Variants in FAM227B observed in about 807,000 individuals in gnomAD.
The protein encoded by FAM227B is family with sequence similarity 227 member B.
Under a neutral mutation model 73.8 loss-of-function variants are expected in FAM227B, and 88 were observed. The observed-to-expected ratio is 1.19, with a 90% CI of 1.00 to 1.42. The LOEUF is 1.42. FAM227B is among the 40% of genes most tolerant of loss of function. The pLI, the probability that FAM227B is intolerant of heterozygous loss-of-function variation, is 0.00. For missense variants in FAM227B, 632 were observed against 590.9 expected (o/e 1.07, Z -0.72); for synonymous variants, 210 against 190.5 (o/e 1.10, Z -0.84).
intron 11 of FAM227B, among the ~76,000 whole-genome samples, chr15:49,499,254 C>G (rs906429656): frequency 6.8e-5 from 10 of 146,340 alleles, no homozygotes; most frequent in South Asian, 4.4e-4. Flanking sequence ...CCTAAATATA[C>G]ATGCACCCAA....
At chr15:49,489,860 TTA>T (rs796167274) in intron 11 of FAM227B, among the ~76,000 whole-genome samples, 310 of 6,780 alleles carry the variant, frequency 0.046, 27 homozygotes, top group Non-Finnish European at 0.071. Context: ...TATATATATT[TTA>T]TATATATATA....
chr15:49,462,287 C>T (rs2053872670), intron 11 of FAM227B, among the ~76,000 whole-genome samples: 1 of 152,052 alleles, frequency 6.6e-6, no homozygotes, highest in Non-Finnish European at 1.5e-5. Flanking sequence ...TTTAAAATAT[C>T]TTGTAGAAAA....
chr15:49,412,074 A>G (rs2048906938), intron 11 of FAM227B, among the ~76,000 whole-genome samples: 1 of 152,058 alleles, frequency 6.6e-6, no homozygotes, highest in African/African-American at 2.4e-5. Context: ...ACATGCTATA[A>G]TTTTGTATTT....
intron 11 of FAM227B, among the ~76,000 whole-genome samples, chr15:49,417,588 T>C (rs1382122321): frequency 2.0e-5 from 3 of 152,082 alleles, no homozygotes; most frequent in Non-Finnish European, 2.9e-5. Flanking sequence ...CCCTATTCAA[T>C]AAACGGTGCT....
chr15:49,457,233 G>C (rs2053386573), intron 11 of FAM227B, among the ~76,000 whole-genome samples: 1 of 152,034 alleles, frequency 6.6e-6, no homozygotes, highest in Non-Finnish European at 1.5e-5. Context: ...TAGGCAAAGA[G>C]AGAAGAGTTC....
intron 11 of FAM227B, among the ~76,000 whole-genome samples, chr15:49,413,310 C>G (rs965154086): frequency 8.5e-5 from 13 of 152,052 alleles, no homozygotes; most frequent in African/African-American, 2.7e-4. Context: ...TTGCTTCTCT[C>G]TCATTCTCTC....
At chr15:49,462,063 G>T (rs894102514) in intron 11 of FAM227B, among the ~76,000 whole-genome samples, 2 of 152,074 alleles carry the variant, frequency 1.3e-5, no homozygotes, top group Admixed American at 1.3e-4. Context: ...CGGTTGCAGT[G>T]AGCTGAGATC....
intron 3 of FAM227B, among the ~76,000 whole-genome samples, chr15:49,596,896 A>C (rs1019788080): frequency 6.6e-6 from 1 of 152,036 alleles, no homozygotes; most frequent in Non-Finnish European, 1.5e-5. Context: ...ATAATGATGA[A>C]AGGCCTAGTC....
intron 13 of FAM227B, among the ~76,000 whole-genome samples, chr15:49,346,489 G>C (rs142370833): frequency 6.6e-6 from 1 of 152,246 alleles, no homozygotes; most frequent in African/African-American, 2.4e-5. Context: ...AGATGTGAGA[G>C]CTGTTCTCCT....
chr15:49,392,795 T>G (rs1202145839), intron 11 of FAM227B, among the ~76,000 whole-genome samples: 1 of 152,220 alleles, frequency 6.6e-6, no homozygotes, highest in Non-Finnish European at 1.5e-5. Flanking sequence ...CCTTAAGTCA[T>G]AAGCTCTTAA....
chr15:49,576,653 C>T, intron 7 of FAM227B, 88 bp downstream of exon 7: 1 of 785,812 alleles, frequency 1.3e-6, no homozygotes. Context: ...TGTTGAACAC[C>T]TAATTTATCA....
chr15:49,429,322 C>A (rs1038448972), intron 11 of FAM227B, among the ~76,000 whole-genome samples: 2 of 151,940 alleles, frequency 1.3e-5, no homozygotes, highest in African/African-American at 4.8e-5. Context: ...TGCTGGGGAG[C>A]AGATTTGAAA....
chr15:49,496,132 T>C (rs1341834085), intron 11 of FAM227B, among the ~76,000 whole-genome samples: 1 of 152,182 alleles, frequency 6.6e-6, no homozygotes, highest in East Asian at 1.9e-4. Flanking sequence ...TTCTGTAACA[T>C]GTCATTTGCT....
intron 9 of FAM227B, among the ~76,000 whole-genome samples, chr15:49,542,192 T>C (rs1168304934): frequency 2.6e-5 from 4 of 152,204 alleles, no homozygotes; most frequent in African/African-American, 4.8e-5. Flanking sequence ...GTAAATTGCA[T>C]GTTAAGAAGG....
chr15:49,363,634 G>A (rs1355248375), intron 13 of FAM227B, among the ~76,000 whole-genome samples: 12 of 152,080 alleles, frequency 7.9e-5, no homozygotes, highest in Admixed American at 7.2e-4. Flanking sequence ...TTGTCTGATT[G>A]CTCTGGCCAG....
At chr15:49,545,671 G>A (rs1430517982) in intron 9 of FAM227B, among the ~76,000 whole-genome samples, 2 of 152,150 alleles carry the variant, frequency 1.3e-5, no homozygotes, top group Non-Finnish European at 2.9e-5. Flanking sequence ...CTGTGTCCCA[G>A]AGGTTTAGAT....
At chr15:49,408,545 T>C (rs2048669175) in intron 11 of FAM227B, among the ~76,000 whole-genome samples, 1 of 152,224 alleles carries the variant, frequency 6.6e-6, no homozygotes. Flanking sequence ...GAAGTGAAGA[T>C]AAACTATCTA....
chr15:49,335,653 C>T (rs1194007086), intron 13 of FAM227B, among the ~76,000 whole-genome samples, 157 bp from the exon 14 acceptor site: 1 of 152,186 alleles, frequency 6.6e-6, no homozygotes, highest in Non-Finnish European at 1.5e-5. Context: ...GAGTTACACT[C>T]AGAGGACTGA....
chr15:49,521,879 G>C (rs1432532711), intron 10 of FAM227B, among the ~76,000 whole-genome samples: 1 of 152,082 alleles, frequency 6.6e-6, no homozygotes, highest in African/African-American at 2.4e-5. Context: ...CTCCACCCCA[G>C]ACCTCAGCAC....
Sources: allele counts gnomAD v4.1 joint callset (sites outside exome capture counted in the v4.1 genomes callset), GRCh38; gene constraint gnomAD v4.1.1; transcripts MANE v1.5; gene names NCBI Gene and HGNC (gene_info 2026-07-23, HGNC 2026-07-21).